DUSP22: variants seen among roughly 807,000 people sequenced by gnomAD.
DUSP22 encodes dual specificity phosphatase 22.
In DUSP22, 24 loss-of-function variants were observed where a neutral mutation model predicts 24.5. The observed-to-expected ratio is 0.98, with a 90% CI of 0.71 to 1.38. The LOEUF is 1.38. DUSP22 is among the 40% of genes most tolerant of loss of function. The pLI is 0.00. For synonymous variants in DUSP22, 160 were observed against 106.4 expected (o/e 1.50, Z -3.10); for missense variants, 330 against 269.2 (o/e 1.23, Z -1.58).
chr6:325,493 C>A, intron 3 of DUSP22: 1 of 180,396 alleles, frequency 5.5e-6, no homozygotes, highest in Non-Finnish European at 1.0e-5. Context: ...GCTGTATCTG[C>A]TGGTGCCTGG....
rs1373274857 is a variant in DUSP22, at chr6:311,863, C to T, written c.56-17C>T. On this transcript the variant is annotated splice_polypyrimidine_tract_variant and intron_variant, in intron 2 of 6. Transcript: ENST00000419235. ...TGCAAAGATATCAAAATGTCCATCC[C>T]CTTTCTTCTCTGACAGATGCCAGAG... 3 of 1,609,776 alleles carry T rather than the reference C, an allele frequency of 1.9e-6. No homozygotes were observed. The highest frequency in any genetic ancestry group is 1.1e-5 in the South Asian group (1 of 90,646).
chr6:308,428 C>T (rs1250348288), intron 2 of DUSP22, among the ~76,000 whole-genome samples: 3 of 152,298 alleles, frequency 2.0e-5, no homozygotes, highest in Non-Finnish European at 1.5e-5. Flanking sequence ...TTTGATTAAG[C>T]ATTTTATGCA....
At chr6:335,868 T>G (rs1468012419) in intron 4 of DUSP22, among the ~76,000 whole-genome samples, 7 of 152,426 alleles carry the variant, frequency 4.6e-5, no homozygotes, top group Non-Finnish European at 1.5e-5. Context: ...CGTTGTGGCT[T>G]AGGAAAGTCC....
chr6:349,075 G>A lies in DUSP22; in HGVS notation c.*124G>A. ...ATAGCCAGGGCGAGGTGGGGCGAGG[G>A]CTCCTTCCCCCAAGCAACACCGCCC... On this transcript the variant is annotated 3_prime_UTR_variant, in exon 7 of 7. Coordinates refer to ENST00000419235, the MANE Select transcript of DUSP22 (RefSeq NM_001286555.3). 2 of 1,473,960 alleles carry A rather than the reference G, an allele frequency of 1.4e-6. No individual in the cohort carries two copies. The highest frequency in any genetic ancestry group is 1.8e-6 in the Non-Finnish European group (2 of 1,113,626). 91.3% of individuals were successfully genotyped at this position (1,473,960 alleles called of 1,614,324 possible).
chr6:310,605 A>G (rs1758038254), intron 2 of DUSP22, among the ~76,000 whole-genome samples: 1 of 152,310 alleles, frequency 6.6e-6, no homozygotes, highest in Admixed American at 6.5e-5. Flanking sequence ...GTCCTGTCTG[A>G]ATCCAGAACT....
In DUSP22 at chr6:351,059, C is replaced by T; in HGVS notation, c.*2108C>T. The stretch of plus-strand genomic sequence containing the variant: ...TCTTTAGCAAGAGAAAATATTTTCC[C>T]CTTATCCCCACTGCTGTGGAGGTTT... On this transcript the variant is annotated 3_prime_UTR_variant, in exon 7 of 7. Transcript: ENST00000419235. 1 of 911,854 alleles carries T rather than the reference C, an allele frequency of 1.1e-6. No homozygotes were observed. The highest frequency in any genetic ancestry group is 1.6e-6 in the Non-Finnish European group (1 of 613,904). 56.5% of individuals were successfully genotyped at this position (911,854 alleles called of 1,614,324 possible).
chr6:316,050 T>TGGA (rs1406378953), intron 3 of DUSP22, among the ~76,000 whole-genome samples: 1 of 152,310 alleles, frequency 6.6e-6, no homozygotes, highest in Non-Finnish European at 1.5e-5. Flanking sequence ...TGCCTAAGAA[T>TGGA]TCAGAAAATG....
At chr6:308,343 T>G (rs1757918450) in intron 2 of DUSP22, among the ~76,000 whole-genome samples, 1 of 152,304 alleles carries the variant, frequency 6.6e-6, no homozygotes, top group African/African-American at 2.4e-5. Flanking sequence ...TGCTCATGAT[T>G]GTAGGTCGCC....
rs372273804 is a variant in DUSP22 at position 335,143 on chromosome 6, G to A, written c.168G>A (p.Ala56=). The A allele has an allele frequency of 7.0e-5, 113 of 1,613,498 alleles. No homozygotes were observed. Among genetic ancestry groups the A allele is most frequent in the Middle Eastern group, 4.9e-4 (3 of 6,080 alleles). ...TTAAATACCTGTGCATCCCAGCAGC[G>A]GATTCACCATCTCAAAACCTGTAAG... The part of the protein sequence containing the change: ...EGVKYLCIPA[A]DSPSQNLTRH... The change falls in exon 4 of 7, where the codon GCG becomes GCA. Residue 56 remains alanine (A), a synonymous_variant. Coordinates refer to ENST00000419235, the MANE Select transcript of DUSP22 (RefSeq NM_001286555.3).
At chr6:331,917 G>GCA (rs1759158091) in intron 3 of DUSP22, among the ~76,000 whole-genome samples, 1 of 152,308 alleles carries the variant, frequency 6.6e-6, no homozygotes, top group African/African-American at 2.4e-5. Flanking sequence ...GCGTCCTGTT[G>GCA]CAGTGGCCAG....
rs199974100 is a variant in DUSP22 at position 348,880 on chromosome 6, G to A, written c.547G>A (p.Gly183Ser). Reference protein sequence around the residue: ...KEQGRTEPQPGARRWSSFPAL... With the variant: ...KEQGRTEPQPSARRWSSFPAL... ...GCAAGGGCGCACAGAGCCCCAGCCC[G>A]GCGCCAGGCGGTGGAGCAGTTTTCC... The change falls in exon 7 of 7, where the codon GGC (glycine) becomes AGC (serine). Residue 183 changes from glycine (G) to serine (S), a missense_variant. Coordinates refer to ENST00000419235, the MANE Select transcript of DUSP22 (RefSeq NM_001286555.3). 1.6e-4 allele frequency: 254 copies of A among 1,614,010 alleles called. No individual in the cohort carries two copies. The highest frequency in any genetic ancestry group is 2.0e-4 in the Non-Finnish European group (239 of 1,179,832).
intron 3 of DUSP22, among the ~76,000 whole-genome samples, chr6:321,391 C>A (rs534380935): frequency 1.3e-5 from 2 of 152,302 alleles, no homozygotes; most frequent in African/African-American, 2.4e-5. Context: ...TGACACATTC[C>A]GATTTCTTTT....
At chr6:337,699 T>C (rs977640667) in intron 4 of DUSP22, among the ~76,000 whole-genome samples, 3 of 152,422 alleles carry the variant, frequency 2.0e-5, no homozygotes, top group Admixed American at 2.0e-4. Context: ...AATGGCAAAG[T>C]CTGGACTTTT....
intron 1 of DUSP22, among the ~76,000 whole-genome samples, chr6:296,820 T>C (rs985618447): frequency 2.0e-5 from 3 of 152,296 alleles, no homozygotes; most frequent in African/African-American, 7.2e-5. Context: ...GGGCAGGATA[T>C]GAGGACCCTC....
intron 3 of DUSP22, among the ~76,000 whole-genome samples, chr6:319,111 G>A (rs1366054821): frequency 4.6e-5 from 7 of 152,322 alleles, no homozygotes; most frequent in African/African-American, 1.4e-4. Flanking sequence ...AGGGAGGGAA[G>A]GATGATTCCC....
chr6:301,116 T>C (rs1757562136), intron 1 of DUSP22, among the ~76,000 whole-genome samples: 1 of 152,420 alleles, frequency 6.6e-6, no homozygotes, highest in Admixed American at 6.5e-5. Flanking sequence ...TGGCAGCTTC[T>C]ATACTAACAG....
At chr6:340,693 G>A (rs1336807067) in intron 4 of DUSP22, among the ~76,000 whole-genome samples, 1 of 152,304 alleles carries the variant, frequency 6.6e-6, no homozygotes, top group African/African-American at 2.4e-5. Flanking sequence ...TGTCCCTGTG[G>A]CCTTGCTGCT....
At chr6:314,688 G>A (rs1758262919) in intron 3 of DUSP22, among the ~76,000 whole-genome samples, 1 of 152,308 alleles carries the variant, frequency 6.6e-6, no homozygotes, top group Non-Finnish European at 1.5e-5. Flanking sequence ...CTATTGTGCA[G>A]ACATGTATCA....
intron 3 of DUSP22, among the ~76,000 whole-genome samples, chr6:323,728 C>T (rs1271414302): frequency 6.6e-6 from 1 of 152,310 alleles, no homozygotes. Context: ...TGGCTTGAGA[C>T]TCCTACTCTT....
Sources: allele counts gnomAD v4.1 joint callset (sites outside exome capture counted in the v4.1 genomes callset), GRCh38; gene constraint gnomAD v4.1.1; transcripts MANE v1.5; gene names NCBI Gene and HGNC (gene_info 2026-07-23, HGNC 2026-07-21).